EXOC4: variants seen among roughly 807,000 people sequenced by gnomAD.
EXOC4 encodes the protein SEC8-like 1.
Under a neutral mutation model 107.2 loss-of-function variants are expected in EXOC4, and 71 were observed. The observed-to-expected ratio is 0.66, with a 90% CI of 0.55 to 0.81. EXOC4 has a LOEUF of 0.81. Ranked by LOEUF, EXOC4 falls within the 30% of genes least tolerant of loss-of-function variation. The pLI is 0.00. For synonymous variants in EXOC4, 456 were observed against 441.2 expected (o/e 1.03, Z -0.42); for missense variants, 1,108 against 1,189.6 (o/e 0.93, Z 1.01).
rs1795329935 is a variant in EXOC4 at position 133,731,714 on chromosome 7, T to C, written c.1515-85611T>C. Among the ~76,000 whole-genome samples the C allele has an allele frequency of 2.0e-5, 3 of 152,146 alleles. No homozygotes were observed. In the South Asian group the frequency reaches 6.2e-4, roughly 31 times the overall value. ...TCTCTTAGTTGCCTCAGCTATAGAA[T>C]GGGTATAATAAAAGCTTGTTTTTTC... On this transcript the variant is annotated intron_variant, in intron 10 of 17. Transcript: ENST00000253861.
intron 10 of EXOC4, among the ~76,000 whole-genome samples, chr7:133,689,261 A>G (rs1794369182): frequency 1.3e-5 from 2 of 152,184 alleles, no homozygotes; most frequent in African/African-American, 2.4e-5. Context: ...GAGCAGTCTC[A>G]TGGCCTAATT....
rs543016150 is a variant in EXOC4, at chr7:133,477,039, A to C, written c.1328+1566A>C. ...TATTTTTTAGAACAGTTTTAGGTTT[A>C]TAGAAAAGTAGAGCAGGAAGTACAG... On this transcript the variant is annotated intron_variant, in intron 8 of 17. Coordinates refer to ENST00000253861, the MANE Select transcript of EXOC4 (RefSeq NM_021807.4). 1.1e-4 allele frequency among the ~76,000 whole-genome samples: 16 copies of C among 152,358 alleles called. No homozygotes were observed. In the South Asian group the frequency reaches 3.3e-3, roughly 32 times the overall value.
the EXOC4 span, among the ~76,000 whole-genome samples, chr7:134,097,159 A>G: frequency 6.6e-6 from 1 of 152,172 alleles, no homozygotes; most frequent in Non-Finnish European, 1.5e-5. Context: ...TTCAAAGAAG[A>G]AAATCCAACT....
chr7:133,292,420 A>G (rs1348440674), intron 3 of EXOC4, among the ~76,000 whole-genome samples: 1 of 152,102 alleles, frequency 6.6e-6, no homozygotes, highest in Non-Finnish European at 1.5e-5. Context: ...TATCATATGT[A>G]TTTTGTTAGA....
chr7:134,028,349 A>G (rs545832530), intron 17 of EXOC4, among the ~76,000 whole-genome samples: 4 of 152,354 alleles, frequency 2.6e-5, no homozygotes, highest in African/African-American at 4.8e-5. Flanking sequence ...TCTCTTAGCT[A>G]TGAAGACCTG....
At chr7:134,069,398 C>T (rs1476632725), downstream of EXOC4, among the ~76,000 whole-genome samples, 1 of 144,510 alleles carries the variant, frequency 6.9e-6, no homozygotes, top group East Asian at 2.1e-4. Context: ...CCTCTTCTCC[C>T]CCTACTTCTC....
Position 133,274,988 on chromosome 7 carries a change from GTCT to G in EXOC4, c.94_96del (p.Ser32del). 1 of 1,606,800 alleles carries G rather than the reference GTCT, an allele frequency of 6.2e-7. No individual in the cohort carries two copies. The highest frequency in any genetic ancestry group is 2.2e-5 in the East Asian group (1 of 44,870). On this transcript the variant is annotated inframe_deletion, in exon 2 of 18. Transcript: ENST00000253861. ...TACTCTCTGCCTTCACCAGGACTCT[GTCT>G]ACTAGTGACGATGTCGAAGACAGGG...
At chr7:133,264,270 G>C (rs1343492458) in intron 1 of EXOC4, among the ~76,000 whole-genome samples, 2 of 152,258 alleles carry the variant, frequency 1.3e-5, no homozygotes, top group East Asian at 3.9e-4. Context: ...TTGAAAAACT[G>C]TATGTGTTGG....
At chr7:134,047,369 C>T (rs1795680856) in intron 17 of EXOC4, among the ~76,000 whole-genome samples, 1 of 151,938 alleles carries the variant, frequency 6.6e-6, no homozygotes, top group Non-Finnish European at 1.5e-5. Flanking sequence ...GTGGAGCAGC[C>T]TCAGTATTAG....
intron 1 of EXOC4, among the ~76,000 whole-genome samples, chr7:133,258,478 C>T (rs867390327): frequency 3.9e-5 from 6 of 152,088 alleles, no homozygotes; most frequent in Admixed American, 1.3e-4. Flanking sequence ...AAAACCACCG[C>T]GTCTTAGTTT....
At chr7:134,009,001 T>A (rs1009651911) in intron 17 of EXOC4, among the ~76,000 whole-genome samples, 5 of 152,162 alleles carry the variant, frequency 3.3e-5, no homozygotes, top group African/African-American at 1.2e-4. Flanking sequence ...TTTTCTCTCT[T>A]CATTTGTCTT....
chr7:133,578,997 A>C (rs1585009542), intron 9 of EXOC4, among the ~76,000 whole-genome samples: 1 of 152,186 alleles, frequency 6.6e-6, no homozygotes, highest in East Asian at 1.9e-4. Flanking sequence ...GAATTACATA[A>C]ATAATGAATG....
intron 10 of EXOC4, among the ~76,000 whole-genome samples, chr7:133,752,626 A>G (rs1482005287): frequency 1.3e-5 from 2 of 152,352 alleles, no homozygotes; most frequent in East Asian, 3.9e-4. Flanking sequence ...AAAAGTGGTT[A>G]TAAGTGTGAT....
Position 134,037,582 on chromosome 7 carries a change from G to A in EXOC4, c.2688-26709G>A, listed in dbSNP as rs76298294. Among the ~76,000 whole-genome samples the A allele has an allele frequency of 5.3e-4, 81 of 152,226 alleles. 3 individuals carry two copies. The East Asian group carries it at 0.014, about 26-fold the overall frequency. ...CACACCCTACCCAGGCCATGAGACC[G>A]GAGCAATGTTCCTGTAGCTTTGGTA... On this transcript the variant is annotated intron_variant, in intron 17 of 17. Coordinates refer to ENST00000253861, the MANE Select transcript of EXOC4 (RefSeq NM_021807.4).
chr7:133,925,131 T>C (rs1018612325), intron 13 of EXOC4, among the ~76,000 whole-genome samples: 5 of 152,230 alleles, frequency 3.3e-5, no homozygotes, highest in Non-Finnish European at 7.3e-5. Context: ...ATAATTAGTT[T>C]TTAAAGCTCA....
intron 9 of EXOC4, among the ~76,000 whole-genome samples, chr7:133,614,915 G>A (rs1207611417): frequency 6.6e-6 from 1 of 151,686 alleles, no homozygotes; most frequent in Non-Finnish European, 1.5e-5. Flanking sequence ...ACTTGATGGT[G>A]TTGAGTCCTT....
intron 6 of EXOC4, among the ~76,000 whole-genome samples, chr7:133,367,999 C>G (rs1257486884): frequency 6.6e-6 from 1 of 152,166 alleles, no homozygotes; most frequent in East Asian, 1.9e-4. Context: ...ATCTTTCATC[C>G]CAGACTTCTG....
intron 9 of EXOC4, chr7:133,484,176 G>C: frequency 1.3e-6 from 2 of 1,579,478 alleles, no homozygotes; most frequent in Non-Finnish European, 1.7e-6. Flanking sequence ...CAACACCCAA[G>C]AGGATAAAAG....
At chr7:133,271,044 G>A (rs1449167290) in intron 1 of EXOC4, among the ~76,000 whole-genome samples, 1 of 150,810 alleles carries the variant, frequency 6.6e-6, no homozygotes, top group Non-Finnish European at 1.5e-5. Context: ...TCAGCCTCCC[G>A]AATAACTGGG....
Sources: allele counts gnomAD v4.1 joint callset (sites outside exome capture counted in the v4.1 genomes callset), GRCh38; gene constraint gnomAD v4.1.1; transcripts MANE v1.5; gene names NCBI Gene and HGNC (gene_info 2026-07-23, HGNC 2026-07-21).